The following TENM2 variants were observed in gnomAD, a reference collection of about 807,000 sequenced individuals.
The protein encoded by TENM2 is teneurin transmembrane protein 2.
A neutral mutation model predicts 245.2 loss-of-function variants in TENM2; 52 were observed. That is an observed-to-expected ratio of 0.21 (90% CI 0.17 to 0.27). The LOEUF (loss-of-function observed/expected upper bound fraction) is 0.27. Among genes scored for constraint, TENM2 ranks in the 10% least tolerant of loss-of-function variants. The probability of loss-of-function intolerance (pLI) is 1.00; values close to 1 mark genes in which losing one functional copy is unlikely to be tolerated. For synonymous variants in TENM2, 1,363 were observed against 1,438.9 expected (o/e 0.95, Z 1.19); for missense variants, 3,046 against 3,666.8 (o/e 0.83, Z 4.37).
At chr5:167,230,292 G>T in the TENM2 span, among the ~76,000 whole-genome samples, 1 of 152,138 alleles carries the variant, frequency 6.6e-6, no homozygotes, top group Non-Finnish European at 1.5e-5. Flanking sequence ...ACTGCTGGGG[G>T]TCTCTTACTA....
chr5:167,431,193 A>G (rs1764199027), intron 2 of TENM2, among the ~76,000 whole-genome samples: 1 of 152,172 alleles, frequency 6.6e-6, no homozygotes. Flanking sequence ...CATTAAGACA[A>G]TTATCAATTT....
intron 4 of TENM2, chr5:167,967,209 C>G (rs1781447934): frequency 6.6e-6 from 1 of 151,798 alleles, no homozygotes; most frequent in Non-Finnish European, 1.5e-5. Flanking sequence ...TGGATGGAGG[C>G]AAGGGAGGTG....
intron 2 of TENM2, among the ~76,000 whole-genome samples, chr5:167,597,155 CTTTTCTTTTCT>C (rs983299753): frequency 1.2e-4 from 13 of 108,308 alleles, no homozygotes; most frequent in African/African-American, 3.4e-4. Context: ...CTTTTCTTTT[CTTTTCTTTTCT>C]TTTTTTTTTT....
chr5:167,746,155 G>A (rs6891311), intron 2 of TENM2, among the ~76,000 whole-genome samples: 54,158 of 151,916 alleles, frequency 0.36, 11,123 homozygotes, highest in African/African-American at 0.56. Context: ...ATTCAACCCC[G>A]TACACTTCGG....
intron 2 of TENM2, among the ~76,000 whole-genome samples, chr5:167,719,333 G>C (rs184405145): frequency 6.6e-6 from 1 of 152,320 alleles, no homozygotes; most frequent in African/African-American, 2.4e-5. Flanking sequence ...CAATAACATA[G>C]CACAGAGGAC....
At chr5:167,333,722 A>C (rs1757592898) in intron 1 of TENM2, among the ~76,000 whole-genome samples, 1 of 152,180 alleles carries the variant, frequency 6.6e-6, no homozygotes, top group African/African-American at 2.4e-5. Context: ...GATGGGGATC[A>C]ATCAACATGA....
At chr5:167,194,219 C>T in the TENM2 span, among the ~76,000 whole-genome samples, 7 of 152,032 alleles carry the variant, frequency 4.6e-5, no homozygotes, top group African/African-American at 1.4e-4. Flanking sequence ...CTGGTGATGT[C>T]GCAAAGCATT....
intron 3 of TENM2, among the ~76,000 whole-genome samples, chr5:167,896,462 A>G (rs1388848236): frequency 6.6e-6 from 1 of 152,232 alleles, no homozygotes; most frequent in South Asian, 2.1e-4. Context: ...CTCATGGTTG[A>G]GACATGTGGC....
At chr5:167,440,409 A>T (rs1582053217) in intron 2 of TENM2, among the ~76,000 whole-genome samples, 1 of 152,292 alleles carries the variant, frequency 6.6e-6, no homozygotes, top group Non-Finnish European at 1.5e-5. Flanking sequence ...GGATCCCCGC[A>T]TTGAAAAGGA....
At chr5:168,088,226 G>A (rs948584432) in intron 7 of TENM2, 1 of 152,070 alleles carries the variant, frequency 6.6e-6, no homozygotes, top group African/African-American at 2.4e-5. Flanking sequence ...TTCTCACCTC[G>A]GCACCAAGGA....
At chr5:167,058,777 A>C in the TENM2 span, among the ~76,000 whole-genome samples, 1 of 152,158 alleles carries the variant, frequency 6.6e-6, no homozygotes, top group Non-Finnish European at 1.5e-5. Context: ...GAAAAAAAAG[A>C]AGAAAGAAAG....
intron 1 of TENM2, among the ~76,000 whole-genome samples, chr5:167,339,658 T>A (rs1757981515): frequency 6.6e-6 from 1 of 152,114 alleles, no homozygotes; most frequent in Non-Finnish European, 1.5e-5. Context: ...AACAAAACCA[T>A]TCTGCTATGG....
intron 2 of TENM2, among the ~76,000 whole-genome samples, chr5:167,680,231 A>G (rs1756610984): frequency 6.6e-6 from 1 of 152,036 alleles, no homozygotes; most frequent in Non-Finnish European, 1.5e-5. Flanking sequence ...GCCTGTCTTT[A>G]TACGATTATG....
the TENM2 span, among the ~76,000 whole-genome samples, chr5:167,027,986 G>A: frequency 2.7e-5 from 4 of 148,378 alleles, no homozygotes; most frequent in Admixed American, 1.4e-4. Flanking sequence ...AAGGAGAATC[G>A]CTTGAGCCTA....
rs542216862 is a variant in TENM2, at chr5:168,213,220, C to T, written c.3845+1466C>T. ...GAAAGGAATGAAACCAGGTAGTCTA[C>T]GCTTTAGTTATCTGGGCTGGAATTT... On this transcript the variant is annotated intron_variant, in intron 20 of 28. Transcript: ENST00000518659. Among the ~76,000 whole-genome samples, 12 of 152,280 alleles carry T rather than the reference C, an allele frequency of 7.9e-5. No individual in the cohort carries two copies. The South Asian group carries it at 1.7e-3, about 21-fold the overall frequency.
At position 167,640,416 on chromosome 5, in the gene TENM2, A is replaced by G. The variant is rs375201767; in HGVS notation, c.503-235570A>G. 2.8e-3 allele frequency among the ~76,000 whole-genome samples: 426 copies of G among 152,192 alleles called. 1 individual carries two copies. Among genetic ancestry groups the G allele is most frequent in the Admixed American group, 6.3e-3 (96 of 15,282 alleles). Reference sequence around the variant, plus strand: ...GTGGATCACCTGAGGTCAGGAGTTCAAGACCAGCCTGGCCAACATGGCAAA... The same window carrying G: ...GTGGATCACCTGAGGTCAGGAGTTCGAGACCAGCCTGGCCAACATGGCAAA... On this transcript the variant is annotated intron_variant, in intron 2 of 28. Transcript: ENST00000518659.
intron 2 of TENM2, among the ~76,000 whole-genome samples, chr5:167,606,375 A>G (rs1321090633): frequency 2.0e-5 from 3 of 151,514 alleles, no homozygotes; most frequent in Non-Finnish European, 4.4e-5. Flanking sequence ...CTGGGGGAGA[A>G]GGGGACATGG....
At position 168,086,956 on chromosome 5, in the gene TENM2, T is replaced by C. The variant is rs556268050; in HGVS notation, c.1516-3618T>C. Among the ~76,000 whole-genome samples the C allele has an allele frequency of 3.9e-5, 6 of 152,248 alleles. No homozygotes were observed. The South Asian group carries it at 1.0e-3, about 26-fold the overall frequency. On this transcript the variant is annotated intron_variant, in intron 7 of 28. Coordinates refer to ENST00000518659, the Ensembl canonical transcript of TENM2. ...GAACCCTAGAGAGCAGAGGCTCCCC[T>C]ACACCAGATGGCCTCCTTGCAAGCC...
intron 13 of TENM2, among the ~76,000 whole-genome samples, chr5:168,175,337 A>G (rs1268972341): frequency 2.6e-5 from 4 of 152,198 alleles, no homozygotes; most frequent in Admixed American, 2.6e-4. Flanking sequence ...AATAATACAT[A>G]CATTTCAAAA....
Sources: allele counts gnomAD v4.1 joint callset (sites outside exome capture counted in the v4.1 genomes callset), GRCh38; gene constraint gnomAD v4.1.1; transcripts MANE v1.5; gene names NCBI Gene and HGNC (gene_info 2026-07-23, HGNC 2026-07-21).